The following SEC13 variants were observed in gnomAD, a reference collection of about 807,000 sequenced individuals.
SEC13 encodes the protein SEC13 homolog, nuclear pore and COPII component.
A neutral mutation model predicts 49.2 loss-of-function variants in SEC13; 25 were observed. The observed-to-expected ratio is 0.51, with a 90% CI of 0.37 to 0.71. The LOEUF (loss-of-function observed/expected upper bound fraction) is 0.71. Ranked by LOEUF, SEC13 falls within the 30% of genes least tolerant of loss-of-function variation. SEC13 has a pLI of 0.00. For synonymous variants in SEC13, 148 were observed against 163.9 expected (o/e 0.90, Z 0.74); for missense variants, 383 against 417.6 (o/e 0.92, Z 0.72).
intron 6 of SEC13, 165 bp downstream of exon 6, chr3:10,305,394 G>T: frequency 2.9e-6 from 3 of 1,047,364 alleles, no homozygotes; most frequent in Admixed American, 2.5e-5. Context: ...AACAGGTGTT[G>T]TGTTGTTTTT....
At position 10,318,090 on chromosome 3, in the gene SEC13, G is replaced by GA; in HGVS notation, c.7dup (p.Ser3PhefsTer4). 6.3e-7 allele frequency: 1 copy of GA among 1,599,806 alleles called. No individual in the cohort carries two copies. Among genetic ancestry groups the GA allele is most frequent in the Non-Finnish European group, 8.6e-7 (1 of 1,167,512 alleles). On this transcript the variant is annotated frameshift_variant, in exon 2 of 9. Coordinates refer to ENST00000350697, the MANE Select transcript of SEC13 (RefSeq NM_183352.3). LOFTEE classifies it high-confidence loss of function. Reference sequence around the variant, plus strand: ...GGAGGTATCCACAGTGTTAATTACTGACACCTAGAACCAAAGATATCACTG... The same window carrying GA: ...GGAGGTATCCACAGTGTTAATTACTGAACACCTAGAACCAAAGATATCACTG...
chr3:10,317,938 C>T (rs1574893404), intron 2 of SEC13, 112 bp downstream of exon 2: 1 of 714,648 alleles, frequency 1.4e-6, no homozygotes, highest in East Asian at 2.7e-5. Context: ...GCAAAGCCAC[C>T]CTGGATCCAT....
chr3:10,315,450 A>C lies in SEC13; in HGVS notation c.49-14T>G. ...CTGGGCGTCGTGCTGCAAAGGGAGG[A>C]CAGCTCGGGAAGCCTGCAGGCTGGG... On this transcript the variant is annotated splice_polypyrimidine_tract_variant and intron_variant, in intron 2 of 8. Transcript: ENST00000350697. The C allele has an allele frequency of 1.8e-5, 17 of 969,408 alleles. No homozygotes were observed. Among genetic ancestry groups the C allele is most frequent in the Non-Finnish European group, 2.4e-5 (17 of 695,838 alleles). 60.1% of individuals were successfully genotyped at this position (969,408 alleles called of 1,614,324 possible).
rs1242149294 is a variant in SEC13, at chr3:10,301,000, G to A, written c.*261C>T. 8 of 1,337,470 alleles carry A rather than the reference G, an allele frequency of 6.0e-6. No homozygotes were observed. In the Admixed American group the frequency reaches 1.6e-4, roughly 26 times the overall value. The allele number at this position is 1,337,470 out of a possible 1,614,324, so 82.9% of individuals were successfully genotyped here. On this transcript the variant is annotated 3_prime_UTR_variant, in exon 9 of 9. Coordinates refer to ENST00000350697, the MANE Select transcript of SEC13 (RefSeq NM_183352.3). Reference sequence around the variant, plus strand: ...CCCCAAATAATGCCTGAACCCAAAGGTACATAAAAATGACCCAAAATAGAT... The same window carrying A: ...CCCCAAATAATGCCTGAACCCAAAGATACATAAAAATGACCCAAAATAGAT...
chr3:10,306,588 G>A (rs549125722), intron 5 of SEC13, among the ~76,000 whole-genome samples: 22 of 152,274 alleles, frequency 1.4e-4, no homozygotes, highest in African/African-American at 4.8e-4. Flanking sequence ...CAGTTACCCA[G>A]GGATAGAGGT....
In SEC13 at chr3:10,300,972, AC is replaced by A. The variant is rs1054166867; in HGVS notation, c.*288del. 4 of 1,077,830 alleles carry A rather than the reference AC, an allele frequency of 3.7e-6. No individual in the cohort carries two copies. In the African/African-American group the frequency reaches 4.8e-5, roughly 13 times the overall value. The allele number at this position is 1,077,830 out of a possible 1,614,324, so 66.8% of individuals were successfully genotyped here. On this transcript the variant is annotated 3_prime_UTR_variant, in exon 9 of 9. Coordinates refer to ENST00000350697, the MANE Select transcript of SEC13 (RefSeq NM_183352.3). Reference sequence around the variant, plus strand: ...TTTATTTAGTTCCTTTGGAAACAAAACCCCCCAAATAATGCCTGAACCCAAA... The same window carrying A: ...TTTATTTAGTTCCTTTGGAAACAAAACCCCCAAATAATGCCTGAACCCAAA...
chr3:10,307,816 G>A, intron 5 of SEC13, among the ~76,000 whole-genome samples: 1 of 152,060 alleles, frequency 6.6e-6, no homozygotes, highest in Non-Finnish European at 1.5e-5. Flanking sequence ...TGATCCGCCT[G>A]CCTCAGCCTC....
In SEC13 at chr3:10,315,431, G is replaced by A. The variant is rs779543613; in HGVS notation, c.54C>T (p.Asp18=). 1.9e-5 allele frequency: 28 copies of A among 1,506,868 alleles called. No homozygotes were observed. The highest frequency in any genetic ancestry group is 1.1e-4 in the East Asian group (4 of 36,602). The allele number at this position is 1,506,868 out of a possible 1,614,324, so 93.3% of individuals were successfully genotyped here. The part of the protein sequence containing the change: ...VDTSHEDMIH[D]AQMDYYGTRL... ...GGGTGCCATAGTAGTCCATCTGGGC[G>A]TCGTGCTGCAAAGGGAGGACAGCTC... The change falls in exon 3 of 9, where the codon GAC becomes GAT. Residue 18 remains aspartate, a synonymous_variant. Coordinates refer to ENST00000350697, the MANE Select transcript of SEC13 (RefSeq NM_183352.3).
chr3:10,311,938 TG>T (rs1395304889), intron 5 of SEC13, 26 bp downstream of exon 5: 17 of 1,614,128 alleles, frequency 1.1e-5, no homozygotes, highest in Non-Finnish European at 1.4e-5. Context: ...GCGCTCTCAC[TG>T]CACGAAAGGC....
In SEC13 at chr3:10,303,917, A is replaced by C. The variant is rs1469012114; in HGVS notation, c.855+109T>G. ...CACACTCAAAACGCAGTCCTGGCTAAGGCTCCTGCCCAGCCTGCAGTCAGA... is the reference window on the plus strand; with the variant it reads ...CACACTCAAAACGCAGTCCTGGCTACGGCTCCTGCCCAGCCTGCAGTCAGA... On this transcript the variant is annotated intron_variant, in intron 8 of 8. Coordinates refer to ENST00000350697, the MANE Select transcript of SEC13 (RefSeq NM_183352.3). 5 of 1,227,120 alleles carry C rather than the reference A, an allele frequency of 4.1e-6. No homozygotes were observed. The African/African-American group carries it at 7.4e-5, about 18-fold the overall frequency. The allele number at this position is 1,227,120 out of a possible 1,614,324, so 76.0% of individuals were successfully genotyped here. A position where few individuals can be genotyped will look rare whatever the true frequency, so the allele number is the denominator to read the frequency against.
intron 1 of SEC13, among the ~76,000 whole-genome samples, chr3:10,318,428 C>T (rs188533985): frequency 3.3e-5 from 5 of 151,812 alleles, no homozygotes; most frequent in African/African-American, 1.2e-4. Flanking sequence ...TTGCAGGTGG[C>T]ACAGGGGAAA....
intron 1 of SEC13, chr3:10,319,028 A>G: frequency 1.0e-6 from 1 of 977,370 alleles, no homozygotes; most frequent in Non-Finnish European, 1.5e-6. Flanking sequence ...TGAATAAGTA[A>G]ATGAACAAAA....
chr3:10,311,475 T>C (rs1007254043), intron 5 of SEC13: 9 of 204,436 alleles, frequency 4.4e-5, no homozygotes, highest in East Asian at 1.8e-4. Flanking sequence ...AGGTAGGACA[T>C]TGATGTTCGC....
At chr3:10,311,029 TA>T (rs35898923) in intron 5 of SEC13, among the ~76,000 whole-genome samples, 46,658 of 145,858 alleles carry the variant, frequency 0.32, 9,159 homozygotes, top group East Asian at 0.81. Context: ...CTGACAAGAT[TA>T]AAAAAAAAAA....
rs192081026 is a variant in SEC13, at chr3:10,311,661, A to G, written c.450+304T>C. On this transcript the variant is annotated intron_variant, in intron 5 of 8. Coordinates refer to ENST00000350697, the MANE Select transcript of SEC13 (RefSeq NM_183352.3). ...CACCACTCCATTCTACAGGGTCCCA[A>G]TGACTACTGCAGGGCATGTCACCTG... The G allele has an allele frequency of 1.0e-5, 13 of 1,258,750 alleles. No homozygotes were observed. In the East Asian group the frequency reaches 1.2e-4, roughly 11 times the overall value. The allele number at this position is 1,258,750 out of a possible 1,614,324, so 78.0% of individuals were successfully genotyped here.
At chr3:10,302,460 G>A (rs949366785) in intron 8 of SEC13, among the ~76,000 whole-genome samples, 1 of 152,168 alleles carries the variant, frequency 6.6e-6, no homozygotes, top group East Asian at 1.9e-4. Context: ...AGAGCAAGAA[G>A]CCTAAATGCA....
intron 5 of SEC13, chr3:10,305,961 G>T: frequency 3.1e-6 from 1 of 319,434 alleles, no homozygotes; most frequent in African/African-American, 2.1e-5. Context: ...ATGAAAGAAT[G>T]GTACATTGGA....
intron 3 of SEC13, chr3:10,312,960 G>A (rs779041910): frequency 4.1e-6 from 2 of 483,062 alleles, no homozygotes; most frequent in Non-Finnish European, 3.7e-6. Flanking sequence ...AGAGAGTTGA[G>A]CCTCTGGGTC....
Position 10,312,632 on chromosome 3 carries a change from T to C in SEC13, c.263A>G (p.Glu88Gly), listed in dbSNP as rs754309219. ...SYDRKVIIWR[E>G]ENGTWEKSHE... is the part of the protein sequence containing the mutation. ...GCTCTTCTCCCAGGTGCCGTTTTCC[T>C]CTCTCCAGATAATGACTTTCCGGTC... The change falls in exon 4 of 9, where the codon GAG (glutamate) becomes GGG (glycine). Residue 88 changes from glutamate to glycine, a missense_variant. Glu to Gly is a moderately conservative substitution (Grantham distance 98). Transcript: ENST00000350697. 2 of 1,614,146 alleles carry C rather than the reference T, an allele frequency of 1.2e-6. No homozygotes were observed.
Sources: allele counts gnomAD v4.1 joint callset (sites outside exome capture counted in the v4.1 genomes callset), GRCh38; gene constraint gnomAD v4.1.1; transcripts MANE v1.5; gene names NCBI Gene and HGNC (gene_info 2026-07-23, HGNC 2026-07-21).